Variants in HIVEP3 observed in about 807,000 individuals in gnomAD.
HIVEP3 encodes the protein HIVEP zinc finger 3.
A neutral mutation model predicts 152.8 loss-of-function variants in HIVEP3; 49 were observed. The ratio of observed to expected loss-of-function variants is 0.32; its 90% confidence interval spans 0.26 to 0.41. The LOEUF is 0.41. Ranked by LOEUF, HIVEP3 falls within the 10% of genes least tolerant of loss-of-function variation. The pLI is 1.00. For missense variants in HIVEP3, 2,790 were observed against 3,103.3 expected, an observed-to-expected ratio of 0.90 and a Z score of 2.40; for synonymous variants, 1,269 against 1,289.0, an observed-to-expected ratio of 0.98 and a Z score of 0.33.
intron 3 of HIVEP3, among the ~76,000 whole-genome samples, chr1:41,625,427 G>A (rs776298398): frequency 2.0e-5 from 3 of 152,156 alleles, no homozygotes; most frequent in Non-Finnish European, 2.9e-5. Context: ...AAACTTTACC[G>A]AATCAGGCAG....
At chr1:41,917,470 AC>A (rs1644888726) in intron 1 of HIVEP3, among the ~76,000 whole-genome samples, 1 of 152,056 alleles carries the variant, frequency 6.6e-6, no homozygotes, top group African/African-American at 2.4e-5. Context: ...AGATCTGCAG[AC>A]CCTCTTCCTG....
chr1:41,667,093 T>C (rs1645807368), intron 2 of HIVEP3, among the ~76,000 whole-genome samples: 1 of 152,228 alleles, frequency 6.6e-6, no homozygotes, highest in Admixed American at 6.5e-5. Flanking sequence ...GCCATGAGCC[T>C]CCAGCACTTG....
intron 1 of HIVEP3, among the ~76,000 whole-genome samples, chr1:42,025,334 T>C (rs1008744615): frequency 3.3e-5 from 5 of 152,252 alleles, no homozygotes; most frequent in African/African-American, 1.2e-4. Context: ...ATTTCAGTTT[T>C]ATATTTTTAT....
At chr1:41,716,339 T>C (rs1370368884) in intron 1 of HIVEP3, among the ~76,000 whole-genome samples, 1 of 152,150 alleles carries the variant, frequency 6.6e-6, no homozygotes, top group Non-Finnish European at 1.5e-5. Context: ...TTACAAGGCG[T>C]GGCCATGTCC....
chr1:41,834,227 A>G lies in HIVEP3; in HGVS notation c.-801+84186T>C, dbSNP rs370388067. Among the ~76,000 whole-genome samples, 25 of 152,112 alleles carry G rather than the reference A, an allele frequency of 1.6e-4. No homozygotes were observed. The East Asian group carries it at 1.9e-3, about 12-fold the overall frequency. On this transcript the variant is annotated intron_variant, in intron 1 of 8. Coordinates refer to ENST00000372583, the MANE Select transcript of HIVEP3 (RefSeq NM_024503.5). ...GGGGTGATGGCCATCTGGGTGTCTC[A>G]TCAGCTCCATCTCTCTGCAGAGACC...
chr1:41,952,451 T>TTCAC (rs371690249), intron 1 of HIVEP3, among the ~76,000 whole-genome samples: 2 of 152,112 alleles, frequency 1.3e-5, no homozygotes, highest in African/African-American at 4.8e-5. Context: ...CATTCATTCA[T>TTCAC]TGTGAAGTGT....
Position 41,582,290 on chromosome 1 carries a change from G to A in HIVEP3, c.2508C>T (p.His836=), listed in dbSNP as rs144252746. The change falls in exon 4 of 9, where the codon CAC becomes CAT. Residue 836 remains histidine (H), a synonymous_variant. Transcript: ENST00000372583. This position sits in a 1 kb window ranked among gnomAD's most constrained non-coding sequence, Gnocchi z 4.7. ...AQFPSPPPAP[H]GRSAHSLQPK... Reference sequence around the variant, plus strand: ...GCTGCAGGGAGTGAGCAGAGCGTCCGTGTGGGGCAGGTGGGGGTGATGGGA... The same window carrying A: ...GCTGCAGGGAGTGAGCAGAGCGTCCATGTGGGGCAGGTGGGGGTGATGGGA... The A allele has an allele frequency of 2.9e-5, 47 of 1,614,026 alleles. No homozygotes were observed. The Admixed American group carries it at 3.0e-4, about 10-fold the overall frequency.
chr1:42,010,362 T>G (rs1221808121), intron 1 of HIVEP3, among the ~76,000 whole-genome samples: 1 of 152,200 alleles, frequency 6.6e-6, no homozygotes, highest in Admixed American at 6.5e-5. Context: ...CCTTAGGAGA[T>G]CCTTTATATT....
chr1:41,591,834 T>A lies in HIVEP3; in HGVS notation c.-521-6516A>T, dbSNP rs1272093096. ...AAACTCACAACACTTGCATCCCTCTTATTGCCATTTGATTCTGGGAGACAC... is the reference window on the plus strand; with the variant it reads ...AAACTCACAACACTTGCATCCCTCTAATTGCCATTTGATTCTGGGAGACAC... On this transcript the variant is annotated intron_variant, in intron 3 of 8. Transcript: ENST00000372583. Among the ~76,000 whole-genome samples, 2 of 152,106 alleles carry A rather than the reference T, an allele frequency of 1.3e-5. 1 individual carries two copies. The highest frequency in any genetic ancestry group is 4.8e-5 in the African/African-American group (2 of 41,410).
chr1:41,779,221 C>T (rs954849837), intron 1 of HIVEP3, among the ~76,000 whole-genome samples: 1 of 152,186 alleles, frequency 6.6e-6, no homozygotes, highest in African/African-American at 2.4e-5. Flanking sequence ...GCTCTCCTTG[C>T]ACCAATGAGA....
chr1:41,785,304 C>T (rs1649282381), intron 1 of HIVEP3, among the ~76,000 whole-genome samples: 1 of 152,102 alleles, frequency 6.6e-6, no homozygotes, highest in African/African-American at 2.4e-5. Context: ...TCTGATCAGT[C>T]CCAAGAAATC....
At chr1:41,560,030 T>G (rs1388462188) in intron 5 of HIVEP3, among the ~76,000 whole-genome samples, 18 of 152,176 alleles carry the variant, frequency 1.2e-4, no homozygotes, top group Admixed American at 1.2e-3. Flanking sequence ...GTGGTCCAGT[T>G]CAGAGTTTAT....
chr1:42,018,739 T>C (rs1053161078), intron 1 of HIVEP3, among the ~76,000 whole-genome samples: 3 of 152,088 alleles, frequency 2.0e-5, no homozygotes, highest in African/African-American at 7.2e-5. Context: ...CTCTAGACTC[T>C]TTATCAGCCC....
intron 5 of HIVEP3, among the ~76,000 whole-genome samples, chr1:41,551,907 T>G (rs1412007717): frequency 6.6e-6 from 1 of 152,230 alleles, no homozygotes; most frequent in African/African-American, 2.4e-5. Context: ...TCTTAGCTAT[T>G]TCTTGCCTTC....
chr1:41,838,085 AT>A (rs1348698673), intron 1 of HIVEP3, among the ~76,000 whole-genome samples: 1 of 152,138 alleles, frequency 6.6e-6, no homozygotes, highest in Non-Finnish European at 1.5e-5. Context: ...AATTCCTTGT[AT>A]TCTTTTTGTT....
At position 41,939,234 on chromosome 1, in the gene HIVEP3, C is replaced by A. The variant is rs191601691; in HGVS notation, n.120-20710G>T. On this transcript the variant is annotated intron_variant and non_coding_transcript_variant, in intron 1 of 3. Transcript: ENST00000489103. Reference sequence around the variant, plus strand: ...AATACAAAATAATTCATAAACCAAGCACCCAATTTAAGATCTAGCATTTTA... The same window carrying A: ...AATACAAAATAATTCATAAACCAAGAACCCAATTTAAGATCTAGCATTTTA... 6.8e-4 allele frequency among the ~76,000 whole-genome samples: 104 copies of A among 152,266 alleles called. No individual in the cohort carries two copies. In the Middle Eastern group the frequency reaches 0.01, roughly 15 times the overall value.
chr1:41,819,221 T>A (rs533546283), intron 1 of HIVEP3, among the ~76,000 whole-genome samples: 1 of 152,318 alleles, frequency 6.6e-6, no homozygotes, highest in East Asian at 1.9e-4. Flanking sequence ...GTACAGAGAC[T>A]AATAAAATGA....
Position 41,509,520 on chromosome 1 carries a change from T to G in HIVEP3, c.*931A>C, listed in dbSNP as rs1045389967. 2.0e-5 allele frequency: 3 copies of G among 152,114 alleles called. No homozygotes were observed. The highest frequency in any genetic ancestry group is 7.2e-5 in the African/African-American group (3 of 41,388). The allele number at this position is 152,114 out of a possible 1,614,324, so 9.4% of individuals were successfully genotyped here. ...GCCACTTCTGCCTTTGTGGGTGGTT[T>G]GGTGGTTTTAGAACAGAGGAGGCAA... On this transcript the variant is annotated 3_prime_UTR_variant, in exon 9 of 9. Coordinates refer to ENST00000372583, the MANE Select transcript of HIVEP3 (RefSeq NM_024503.5).
chr1:41,833,871 T>C (rs180774191), intron 1 of HIVEP3, among the ~76,000 whole-genome samples: 2 of 152,124 alleles, frequency 1.3e-5, no homozygotes, highest in Non-Finnish European at 2.9e-5. Flanking sequence ...AGGAAAATCC[T>C]TCAAAGAAGC....
Sources: allele counts gnomAD v4.1 joint callset (sites outside exome capture counted in the v4.1 genomes callset), GRCh38; gene constraint gnomAD v4.1.1; non-coding constraint Gnocchi (gnomAD v3.1); transcripts MANE v1.5; gene names NCBI Gene and HGNC (gene_info 2026-07-23, HGNC 2026-07-21).